PBX1: variants seen among roughly 807,000 people sequenced by gnomAD.
The protein encoded by PBX1 is PBX homeobox 1.
PBX1 carries 6 observed loss-of-function variants against 53.4 expected under a neutral mutation model. That is an observed-to-expected ratio of 0.11 (90% confidence interval 0.06 to 0.22). The LOEUF (loss-of-function observed/expected upper bound fraction) is 0.22, where lower values mean the gene tolerates loss of function less well. Ranked by LOEUF, PBX1 falls within the 10% of genes least tolerant of loss-of-function variation. The pLI, the probability that PBX1 is intolerant of heterozygous loss-of-function variation, is 1.00. For missense variants in PBX1, 251 were observed against 551.4 expected (o/e 0.46, Z 5.46); for synonymous variants, 204 against 212.3 (o/e 0.96, Z 0.34).
intron 2 of PBX1, among the ~76,000 whole-genome samples, chr1:164,612,503 G>A (rs926348628): frequency 1.2e-4 from 19 of 152,080 alleles, no homozygotes; most frequent in South Asian, 4.2e-4. Context: ...ACTTGGTGGC[G>A]GGAATAGAAA....
At chr1:164,872,057 T>C (rs1006944552) in intron 2 of PBX1, among the ~76,000 whole-genome samples, 2 of 152,142 alleles carry the variant, frequency 1.3e-5, no homozygotes, top group South Asian at 2.1e-4. Flanking sequence ...TCAGGTCCCA[T>C]AAAGGATCTG....
Position 164,847,719 on chromosome 1 carries a change from G to C in PBX1, c.*1043G>C, listed in dbSNP as rs3185695. 9.5e-7 allele frequency: 1 copy of C among 1,054,182 alleles called. No individual in the cohort carries two copies. Among genetic ancestry groups the C allele is most frequent in the Non-Finnish European group, 1.1e-6 (1 of 872,426 alleles). 65.3% of individuals were successfully genotyped at this position (1,054,182 alleles called of 1,614,324 possible). On this transcript the variant is annotated 3_prime_UTR_variant, in exon 9 of 9. Coordinates refer to ENST00000420696, the MANE Select transcript of PBX1 (RefSeq NM_002585.4). The stretch of plus-strand genomic sequence containing the variant: ...CCTACATTAATAACTGTAGCACTAT[G>C]CCTTTTGAGCCCGAGAGAGGGAATT...
chr1:164,799,809 G>A lies in PBX1; in HGVS notation c.621G>A (p.Lys207=). ...IERMVSIIHR[K]FSSIQMQLKQ... Reference sequence around the variant, plus strand: ...GGATGGTCAGCATCATCCACCGCAAGTTCAGCTCCATCCAGATGCAGCTCA... The same window carrying A: ...GGATGGTCAGCATCATCCACCGCAAATTCAGCTCCATCCAGATGCAGCTCA... The change falls in exon 4 of 9, where the codon AAG becomes AAA. Residue 207 remains lysine, a synonymous_variant. Transcript: ENST00000420696. The A allele has an allele frequency of 1.9e-6, 3 of 1,614,140 alleles. No homozygotes were observed. Among genetic ancestry groups the A allele is most frequent in the Non-Finnish European group, 1.7e-6 (2 of 1,180,014 alleles).
At chr1:164,689,375 T>C (rs1462665033) in intron 2 of PBX1, among the ~76,000 whole-genome samples, 1 of 152,018 alleles carries the variant, frequency 6.6e-6, no homozygotes, top group Non-Finnish European at 1.5e-5. Flanking sequence ...CAGCTGTGTA[T>C]CTAGGACATT....
intron 2 of PBX1, among the ~76,000 whole-genome samples, chr1:164,663,605 G>A (rs1234764566): frequency 6.6e-6 from 1 of 152,176 alleles, no homozygotes; most frequent in African/African-American, 2.4e-5. Flanking sequence ...TATATTTAAT[G>A]AGATGATTGC....
intron 2 of PBX1, among the ~76,000 whole-genome samples, chr1:164,741,304 A>G (rs1665589103): frequency 6.6e-6 from 1 of 152,202 alleles, no homozygotes; most frequent in Non-Finnish European, 1.5e-5. Flanking sequence ...CTTTTTGGTA[A>G]AATTCCTTTT....
chr1:164,561,132 T>C (rs1158087002), intron 1 of PBX1, among the ~76,000 whole-genome samples: 1 of 152,184 alleles, frequency 6.6e-6, no homozygotes, highest in East Asian at 1.9e-4. Context: ...TTACCCAGCT[T>C]TGTTATATCT....
Position 164,849,284 on chromosome 1 carries a change from C to A in PBX1, c.*2608C>A. The A allele has an allele frequency of 6.5e-7, 1 of 1,533,356 alleles. No homozygotes were observed. The highest frequency in any genetic ancestry group is 1.2e-5 in the South Asian group (1 of 83,686). 95.0% of individuals were successfully genotyped at this position (1,533,356 alleles called of 1,614,324 possible). On this transcript the variant is annotated 3_prime_UTR_variant, in exon 9 of 9. Coordinates refer to ENST00000420696, the MANE Select transcript of PBX1 (RefSeq NM_002585.4). ...CCGGGCCGTAGTTTTCACTGATGAT[C>A]ACCTTTCACAGCATTTTCCCCAACC...
chr1:164,707,370 G>A (rs1663477865), intron 2 of PBX1, among the ~76,000 whole-genome samples: 3 of 149,796 alleles, frequency 2.0e-5, no homozygotes, highest in Admixed American at 1.3e-4. Flanking sequence ...ACAGTATTGT[G>A]GCTAATGAGA....
intron 2 of PBX1, among the ~76,000 whole-genome samples, chr1:164,781,765 C>T (rs929219924): frequency 3.3e-5 from 5 of 152,308 alleles, no homozygotes; most frequent in South Asian, 2.1e-4. Context: ...AGAGAGGCCC[C>T]TCTAATGACC....
intron 2 of PBX1, among the ~76,000 whole-genome samples, chr1:164,653,631 G>A (rs111548401): frequency 0.023 from 3,470 of 152,220 alleles, 124 homozygotes; most frequent in African/African-American, 0.079. Flanking sequence ...TTAGCCAGGC[G>A]TGGTGGTAGG....
chr1:164,686,951 C>T (rs1404619971), intron 2 of PBX1, among the ~76,000 whole-genome samples: 1 of 148,998 alleles, frequency 6.7e-6, no homozygotes, highest in Non-Finnish European at 1.5e-5. Flanking sequence ...AGCGAGACTG[C>T]ATCCCAAAAA....
At chr1:164,808,604 A>C (rs1017375192) in intron 5 of PBX1, among the ~76,000 whole-genome samples, 4 of 152,202 alleles carry the variant, frequency 2.6e-5, no homozygotes, top group Non-Finnish European at 4.4e-5. Context: ...TTTTCAAATG[A>C]AGTAGATGCT....
At chr1:164,617,617 G>A (rs941827869) in intron 2 of PBX1, among the ~76,000 whole-genome samples, 2 of 152,180 alleles carry the variant, frequency 1.3e-5, no homozygotes, top group Non-Finnish European at 2.9e-5. Context: ...TCTCTCAGAG[G>A]GGTGTGTGTG....
At chr1:164,813,523 C>T (rs1669724403) in intron 6 of PBX1, 1 of 152,180 alleles carries the variant, frequency 6.6e-6, no homozygotes, top group South Asian at 2.1e-4. Flanking sequence ...TCCATCTGGT[C>T]AATTATTAAG....
chr1:164,805,323 T>C (rs1024221149), intron 4 of PBX1, among the ~76,000 whole-genome samples: 1 of 152,204 alleles, frequency 6.6e-6, no homozygotes, highest in African/African-American at 2.4e-5. Context: ...TTATTTTCAC[T>C]AGGTTTCTTG....
rs1246643997 is a variant in PBX1 at position 164,848,605 on chromosome 1, G to T, written c.*1929G>T. The T allele has an allele frequency of 7.6e-6, 8 of 1,057,588 alleles. No homozygotes were observed. The highest frequency in any genetic ancestry group is 9.1e-6 in the Non-Finnish European group (8 of 874,640). 65.5% of individuals were successfully genotyped at this position (1,057,588 alleles called of 1,614,324 possible). A position where few individuals can be genotyped will look rare whatever the true frequency, so the allele number is the denominator to read the frequency against. On this transcript the variant is annotated 3_prime_UTR_variant, in exon 9 of 9. Transcript: ENST00000420696. The stretch of plus-strand genomic sequence containing the variant: ...TTGTTGATCTTCTTGGTTTTGGTCT[G>T]TCTCTTTTCTTAGGATAAAGAAAAA...
At chr1:164,711,737 A>T (rs1451120091) in intron 2 of PBX1, among the ~76,000 whole-genome samples, 2 of 152,206 alleles carry the variant, frequency 1.3e-5, no homozygotes, top group South Asian at 2.1e-4. Flanking sequence ...TGCAAGCTTA[A>T]TCTTGCCTGA....
chr1:164,665,631 A>G (rs1442228423), intron 2 of PBX1, among the ~76,000 whole-genome samples: 16 of 152,164 alleles, frequency 1.1e-4, no homozygotes, highest in Admixed American at 1.0e-3. Context: ...GTTAGTTCAT[A>G]GAATGTCTGG....
Sources: gnomAD v4.1 joint callset for allele counts (sites outside exome capture counted in the v4.1 genomes callset) on GRCh38, gnomAD v4.1.1 for gene constraint, MANE v1.5 for transcripts, NCBI Gene and HGNC (gene_info 2026-07-23, HGNC 2026-07-21) for gene names.